Variants in ZNF148 observed in about 807,000 individuals in gnomAD.
The protein encoded by ZNF148 is Beta-Enolase Repressor Factor-1.
Under a neutral mutation model 67.7 loss-of-function variants are expected in ZNF148, and 7 were observed. The observed-to-expected ratio is 0.10, with a 90% CI of 0.06 to 0.19. ZNF148 has a LOEUF of 0.19. Among genes scored for constraint, ZNF148 ranks in the 10% least tolerant of loss-of-function variants. The probability of loss-of-function intolerance (pLI) is 1.00; values close to 1 mark genes in which losing one functional copy is unlikely to be tolerated. For missense variants in ZNF148, 583 were observed against 947.1 expected (o/e 0.62, Z 5.05); for synonymous variants, 333 against 330.7 (o/e 1.01, Z -0.08).
intron 4 of ZNF148, among the ~76,000 whole-genome samples, chr3:125,304,887 A>G (rs1305317754): frequency 6.6e-6 from 1 of 152,184 alleles, no homozygotes; most frequent in African/African-American, 2.4e-5. Flanking sequence ...CTCCAGAACT[A>G]AAGCAGAAAA....
chr3:125,261,822 C>G (rs942209621), intron 7 of ZNF148, among the ~76,000 whole-genome samples: 1 of 62,330 alleles, frequency 1.6e-5, no homozygotes, highest in Admixed American at 1.5e-4. Flanking sequence ...CAGGGGTTGA[C>G]AAGTTTTTTT....
chr3:125,298,021 A>ATT (rs1227028320), intron 4 of ZNF148, among the ~76,000 whole-genome samples: 1 of 152,200 alleles, frequency 6.6e-6, no homozygotes, highest in Non-Finnish European at 1.5e-5. Context: ...ATTACATGCA[A>ATT]TAACATGGGT....
At chr3:125,333,979 C>T (rs1393787867) in intron 1 of ZNF148, among the ~76,000 whole-genome samples, 2 of 152,094 alleles carry the variant, frequency 1.3e-5, no homozygotes, top group Non-Finnish European at 2.9e-5. Flanking sequence ...TCCTATCAAC[C>T]AATGACAGCA....
chr3:125,280,679 CAAA>C (rs10709074), intron 5 of ZNF148, among the ~76,000 whole-genome samples: 1 of 121,198 alleles, frequency 8.3e-6, no homozygotes. Context: ...AAACCCATCT[CAAA>C]AAAAAAAAAA....
rs572998418 is a variant in ZNF148 at position 125,334,594 on chromosome 3, T to C, written c.-233-3356A>G. Among the ~76,000 whole-genome samples the C allele has an allele frequency of 4.6e-5, 7 of 152,312 alleles. No homozygotes were observed. In the East Asian group the frequency reaches 1.3e-3, roughly 29 times the overall value. On this transcript the variant is annotated intron_variant, in intron 1 of 8. Coordinates refer to ENST00000360647, the MANE Select transcript of ZNF148 (RefSeq NM_021964.3). ...CTGCTCAGTAGTGTTCCTAGGACACTACAGGTATTAAATCACTTAATCAAA... is the reference window on the plus strand; with the variant it reads ...CTGCTCAGTAGTGTTCCTAGGACACCACAGGTATTAAATCACTTAATCAAA...
chr3:125,338,614 T>C (rs1559767000), intron 1 of ZNF148, among the ~76,000 whole-genome samples: 1 of 129,404 alleles, frequency 7.7e-6, no homozygotes, highest in African/African-American at 3.0e-5. Context: ...GAGCCGACAT[T>C]GTGCCACTGC....
chr3:125,351,057 T>G (rs1942129718), intron 1 of ZNF148, among the ~76,000 whole-genome samples: 2 of 151,778 alleles, frequency 1.3e-5, no homozygotes, highest in Non-Finnish European at 2.9e-5. Context: ...AATGAGGAGT[T>G]GAGGCTGGGT....
intron 7 of ZNF148, 65 bp downstream of exon 7, chr3:125,277,661 A>G (rs1938146972): frequency 2.1e-6 from 3 of 1,421,128 alleles, no homozygotes; most frequent in Middle Eastern, 1.8e-4. Context: ...GCCACTTATT[A>G]AAAATTCTTC....
intron 1 of ZNF148, 83 bp from the exon 2 acceptor site, chr3:125,331,321 C>T: frequency 2.5e-6 from 1 of 397,122 alleles, no homozygotes; most frequent in Non-Finnish European, 4.4e-6. Context: ...AAAACTGTTA[C>T]ATTTAAGTGT....
At chr3:125,368,220 A>T (rs566631779) in intron 1 of ZNF148, among the ~76,000 whole-genome samples, 7 of 152,364 alleles carry the variant, frequency 4.6e-5, no homozygotes, top group African/African-American at 1.7e-4. Flanking sequence ...AAACATACTC[A>T]GAATTTATTT....
chr3:125,298,250 T>C (rs1939387397), intron 4 of ZNF148, among the ~76,000 whole-genome samples: 2 of 152,222 alleles, frequency 1.3e-5, no homozygotes, highest in South Asian at 2.1e-4. Context: ...CAGAGAAATT[T>C]AATCAAGATG....
intron 4 of ZNF148, among the ~76,000 whole-genome samples, chr3:125,303,781 T>C (rs1383377018): frequency 6.6e-6 from 1 of 151,884 alleles, no homozygotes; most frequent in Admixed American, 6.6e-5. Context: ...CCTGAAACCA[T>C]CTCCACCCCC....
chr3:125,374,427 A>G (rs1454209764), intron 1 of ZNF148, among the ~76,000 whole-genome samples: 4 of 151,094 alleles, frequency 2.6e-5, no homozygotes, highest in African/African-American at 9.7e-5. Context: ...GGGAACTCCT[A>G]TCTCCCTTCT....
intron 1 of ZNF148, among the ~76,000 whole-genome samples, chr3:125,359,292 T>C (rs933191217): frequency 1.3e-5 from 2 of 152,216 alleles, no homozygotes; most frequent in African/African-American, 4.8e-5. Context: ...GGCTAAATCC[T>C]GGAACTAATC....
intron 4 of ZNF148, among the ~76,000 whole-genome samples, chr3:125,295,492 A>C (rs191871907): frequency 6.6e-6 from 1 of 152,152 alleles, no homozygotes; most frequent in Admixed American, 6.5e-5. Context: ...TATTTAGATG[A>C]AACATTAGAA....
chr3:125,242,613 G>A (rs1936417426), intron 7 of ZNF148, among the ~76,000 whole-genome samples: 1 of 152,100 alleles, frequency 6.6e-6, no homozygotes, highest in Non-Finnish European at 1.5e-5. Flanking sequence ...CCTGGCAAAG[G>A]GGTGAGACTC....
intron 7 of ZNF148, among the ~76,000 whole-genome samples, chr3:125,271,183 C>T (rs6772299): frequency 1.3e-5 from 2 of 152,212 alleles, no homozygotes; most frequent in Admixed American, 1.3e-4. Context: ...ATGCTTTACA[C>T]GATAAATCTG....
intron 7 of ZNF148, among the ~76,000 whole-genome samples, chr3:125,254,986 T>C (rs1937008019): frequency 6.6e-6 from 1 of 152,178 alleles, no homozygotes; most frequent in African/African-American, 2.4e-5. Context: ...TTAGATTTTA[T>C]AATCCTTTTA....
chr3:125,289,101 A>G (rs1479080374), intron 4 of ZNF148, among the ~76,000 whole-genome samples: 1 of 152,192 alleles, frequency 6.6e-6, no homozygotes, highest in Non-Finnish European at 1.5e-5. Flanking sequence ...CCTTGAAGTA[A>G]AACAAGAACC....
Sources: gnomAD v4.1 joint callset for allele counts (sites outside exome capture counted in the v4.1 genomes callset) on GRCh38, gnomAD v4.1.1 for gene constraint, MANE v1.5 for transcripts, NCBI Gene and HGNC (gene_info 2026-07-23, HGNC 2026-07-21) for gene names.